KIAA1614: variants seen among roughly 807,000 people sequenced by gnomAD.
KIAA1614 encodes the protein KIAA1614, also known as uncharacterized protein KIAA1614.
Under a neutral mutation model 88.7 loss-of-function variants are expected in KIAA1614, and 76 were observed. The ratio of observed to expected loss-of-function variants is 0.86; its 90% CI spans 0.71 to 1.04. The LOEUF (loss-of-function observed/expected upper bound fraction) is 1.04, where lower values mean the gene tolerates loss of function less well. Among genes scored for constraint, KIAA1614 ranks in the 50% least tolerant of loss-of-function variants. KIAA1614 has a pLI of 0.00. For synonymous variants in KIAA1614, 714 were observed against 675.5 expected (o/e 1.06, Z -0.88); for missense variants, 1,553 against 1,582.5 (o/e 0.98, Z 0.32).
At chr1:180,931,206 A>G (rs1226259136) in intron 4 of KIAA1614, among the ~76,000 whole-genome samples, 2 of 152,220 alleles carry the variant, frequency 1.3e-5, no homozygotes, top group Non-Finnish European at 2.9e-5. Flanking sequence ...AGACATGCCT[A>G]GATTGGTGTT....
chr1:180,915,405 C>T (rs1653756512), intron 1 of KIAA1614, among the ~76,000 whole-genome samples: 1 of 152,172 alleles, frequency 6.6e-6, no homozygotes, highest in Non-Finnish European at 1.5e-5. Context: ...GGGCATCCTC[C>T]ACTGAAGCTA....
intron 4 of KIAA1614, among the ~76,000 whole-genome samples, chr1:180,934,114 C>T (rs979411260): frequency 3.3e-5 from 5 of 152,006 alleles, no homozygotes; most frequent in Middle Eastern, 3.4e-3. Context: ...ATTAGTCGGG[C>T]GTGGTGGCGC....
Position 180,923,757 on chromosome 1 carries a change from C to T in KIAA1614, c.1062-4673C>T, listed in dbSNP as rs7417190. Among the ~76,000 whole-genome samples the T allele has an allele frequency of 2.9e-3, 445 of 152,066 alleles. 4 individuals are homozygous for T. Among genetic ancestry groups the T allele is most frequent in the African/African-American group, 0.01 (423 of 41,486 alleles). On this transcript the variant is annotated intron_variant, in intron 3 of 8. Coordinates refer to ENST00000367588, the MANE Select transcript of KIAA1614 (RefSeq NM_020950.2). The stretch of plus-strand genomic sequence containing the variant: ...AGGCATGGGGAGTCCCGGCTGAGTG[C>T]GGGAGAAGAGACACTCCCACCATCC...
At chr1:180,913,589 T>G (rs1201128100) in intron 1 of KIAA1614, among the ~76,000 whole-genome samples, 2 of 152,326 alleles carry the variant, frequency 1.3e-5, no homozygotes, top group East Asian at 3.9e-4. Flanking sequence ...CTTTAAGGTC[T>G]CTGGCGTGCT....
chr1:180,933,676 C>T (rs1571294917), intron 4 of KIAA1614, among the ~76,000 whole-genome samples: 1 of 152,290 alleles, frequency 6.6e-6, no homozygotes, highest in East Asian at 1.9e-4. Flanking sequence ...GAGATGTGTA[C>T]AGGTGTCTTC....
Position 180,935,997 on chromosome 1 carries a change from GC to G in KIAA1614, c.2090del (p.Pro697LeufsTer7). 1 of 1,614,100 alleles carries G rather than the reference GC, an allele frequency of 6.2e-7. No homozygotes were observed. Among genetic ancestry groups the G allele is most frequent in the Non-Finnish European group, 8.5e-7 (1 of 1,179,928 alleles). On this transcript the variant is annotated frameshift_variant, in exon 5 of 9. Transcript: ENST00000367588. LOFTEE classifies it high-confidence loss of function. This position sits in a 1 kb window ranked among gnomAD's most constrained non-coding sequence, Gnocchi z 6.1. ...AGGTGAAAGAGGGCAGAGGACACAC[GC>G]CTGAAGGAACTCTATTTTTGAGAGA... Reference protein sequence around the residue: ...NEVKEGRGHTPEGTLFLREDA... With the variant: ...NEVKEGRGHTXEGTLFLREDA...
intron 7 of KIAA1614, among the ~76,000 whole-genome samples, chr1:180,943,636 C>CCTCCAGGTTCAAGTGAGT (rs1456418692): frequency 7.0e-6 from 1 of 143,358 alleles, no homozygotes; most frequent in Non-Finnish European, 1.5e-5. Flanking sequence ...GCAACCTTCG[C>CCTCCAGGTTCAAGTGAGT]CTCCAGGTTC....
rs375009931 is a variant in KIAA1614 at position 180,935,919 on chromosome 1, C to A, written c.2010C>A (p.Gly670=). ...SKKAEAELPW[G]LQAQQHLPRA... is the part of the protein sequence containing the mutation. ...AGGCTGAGGCGGAGCTCCCTTGGGG[C>A]CTTCAGGCCCAGCAACACCTGCCTA... Residue 670 remains glycine (G), a synonymous_variant, in exon 5 of 9, where the codon GGC becomes GGA. Coordinates refer to ENST00000367588, the MANE Select transcript of KIAA1614 (RefSeq NM_020950.2). The surrounding 1 kb of genome is among the most constrained non-coding windows in gnomAD (Gnocchi z 6.1). 6.2e-7 allele frequency: 1 copy of A among 1,613,868 alleles called. No individual in the cohort carries two copies. Among genetic ancestry groups the A allele is most frequent in the East Asian group, 2.2e-5 (1 of 44,898 alleles).
intron 3 of KIAA1614, among the ~76,000 whole-genome samples, chr1:180,926,363 A>T (rs968893073): frequency 6.6e-6 from 1 of 151,656 alleles, no homozygotes; most frequent in Non-Finnish European, 1.5e-5. Flanking sequence ...CCACTCCTCC[A>T]TGCTCAGTGT....
intron 4 of KIAA1614, among the ~76,000 whole-genome samples, chr1:180,930,730 A>C (rs1346055069): frequency 6.6e-6 from 1 of 152,246 alleles, no homozygotes; most frequent in Non-Finnish European, 1.5e-5. Context: ...ATAGAATTGC[A>C]AGGTGACCCA....
Position 180,935,565 on chromosome 1 carries a change from G to A in KIAA1614, c.1656G>A (p.Lys552=), listed in dbSNP as rs1654309801. ...ACGACCCGCGCCCCGCCCAGGGGAAGGCGCCCCCCGTCCCCAGGACCCTCC... is the reference window on the plus strand; with the variant it reads ...ACGACCCGCGCCCCGCCCAGGGGAAAGCGCCCCCCGTCCCCAGGACCCTCC... ...CIDDPRPAQG[K]APPVPRTLQE... The change falls in exon 5 of 9, where the codon AAG becomes AAA. Residue 552 remains lysine (K), a synonymous_variant. Coordinates refer to ENST00000367588, the MANE Select transcript of KIAA1614 (RefSeq NM_020950.2). This position sits in a 1 kb window ranked among gnomAD's most constrained non-coding sequence, Gnocchi z 6.1. 1 of 1,602,552 alleles carries A rather than the reference G, an allele frequency of 6.2e-7. No homozygotes were observed. The highest frequency in any genetic ancestry group is 8.5e-7 in the Non-Finnish European group (1 of 1,174,848).
At chr1:180,931,016 G>A (rs1654186338) in intron 4 of KIAA1614, among the ~76,000 whole-genome samples, 1 of 152,254 alleles carries the variant, frequency 6.6e-6, no homozygotes, top group East Asian at 1.9e-4. Flanking sequence ...AGGAGGGGCA[G>A]GCAGAGCAGT....
At chr1:180,925,425 G>A (rs1016150952) in intron 3 of KIAA1614, among the ~76,000 whole-genome samples, 5 of 152,200 alleles carry the variant, frequency 3.3e-5, no homozygotes, top group African/African-American at 7.2e-5. Context: ...GGTGCATCCT[G>A]GAATCTGGGA....
intron 3 of KIAA1614, among the ~76,000 whole-genome samples, chr1:180,922,221 A>G (rs1374560039): frequency 1.3e-5 from 2 of 152,204 alleles, no homozygotes; most frequent in Non-Finnish European, 2.9e-5. Context: ...CTTTAGTTAC[A>G]GGGAGAAGGG....
At position 180,935,405 on chromosome 1, in the gene KIAA1614, A is replaced by G. The variant is rs769651029; in HGVS notation, c.1496A>G (p.Asn499Ser). 1.1e-5 allele frequency: 16 copies of G among 1,473,972 alleles called. No homozygotes were observed. Among genetic ancestry groups the G allele is most frequent in the Non-Finnish European group, 1.3e-5 (14 of 1,119,146 alleles). The allele number at this position is 1,473,972 out of a possible 1,614,324, so 91.3% of individuals were successfully genotyped here. ...RSKPDLADYI[N>S]GAPRLRDAGQ... ...AAGCCCGACCTCGCCGACTACATCAACGGGGCTCCCCGGCTCCGGGACGCG... is the reference window on the plus strand; with the variant it reads ...AAGCCCGACCTCGCCGACTACATCAGCGGGGCTCCCCGGCTCCGGGACGCG... The change falls in exon 5 of 9, where the codon AAC (asparagine) becomes AGC (serine). Residue 499 changes from asparagine to serine, a missense_variant. Coordinates refer to ENST00000367588, the MANE Select transcript of KIAA1614 (RefSeq NM_020950.2). The surrounding 1 kb of genome is among the most constrained non-coding windows in gnomAD (Gnocchi z 6.1).
In KIAA1614 at chr1:180,931,185, A is replaced by AT. The variant is rs1654189947; in HGVS notation, c.1205+2616dup. 3.9e-5 allele frequency among the ~76,000 whole-genome samples: 6 copies of AT among 152,324 alleles called. No individual in the cohort carries two copies. In the South Asian group the frequency reaches 1.2e-3, roughly 32 times the overall value. The stretch of plus-strand genomic sequence containing the variant: ...GCTCCTGGAAGCACAAGATTTTGCC[A>AT]TTTTGGGGATAGACATGCCTAGATT... On this transcript the variant is annotated intron_variant, in intron 4 of 8. Transcript: ENST00000367588.
rs1654623162 is a variant in KIAA1614 at position 180,947,504 on chromosome 1, A to G, written c.*1916A>G. 1 of 152,188 alleles carries G rather than the reference A, an allele frequency of 6.6e-6. No individual in the cohort carries two copies. Among genetic ancestry groups the G allele is most frequent in the South Asian group, 2.1e-4 (1 of 4,812 alleles). 9.4% of individuals were successfully genotyped at this position (152,188 alleles called of 1,614,324 possible). A position where few individuals can be genotyped will look rare whatever the true frequency, so the allele number is the denominator to read the frequency against. ...CAGGGGTTGGATTCTGGTTGATTTG[A>G]CTATTTGCTGATGAGCTGGACATGT... On this transcript the variant is annotated 3_prime_UTR_variant, in exon 9 of 9. Transcript: ENST00000367588.
Position 180,947,496 on chromosome 1 carries a change from T to A in KIAA1614, c.*1908T>A, listed in dbSNP as rs1654623042. 1 of 151,910 alleles carries A rather than the reference T, an allele frequency of 6.6e-6. No homozygotes were observed. The highest frequency in any genetic ancestry group is 1.5e-5 in the Non-Finnish European group (1 of 68,056). The allele number at this position is 151,910 out of a possible 1,614,324, so 9.4% of individuals were successfully genotyped here. A position where few individuals can be genotyped will look rare whatever the true frequency, so the allele number is the denominator to read the frequency against. On this transcript the variant is annotated 3_prime_UTR_variant, in exon 9 of 9. Transcript: ENST00000367588. ...AGAGGGGACAGGGGTTGGATTCTGG[T>A]TGATTTGACTATTTGCTGATGAGCT...
At chr1:180,919,988 C>T (rs1653918772) in intron 3 of KIAA1614, among the ~76,000 whole-genome samples, 3 of 152,184 alleles carry the variant, frequency 2.0e-5, no homozygotes, top group Admixed American at 2.0e-4. Flanking sequence ...AACAAAATGT[C>T]CCCTTAGAGT....
Sources: gnomAD v4.1 joint callset for allele counts (sites outside exome capture counted in the v4.1 genomes callset) on GRCh38, gnomAD v4.1.1 for gene constraint, Gnocchi (gnomAD v3.1) non-coding constraint, MANE v1.5 for transcripts, NCBI Gene and HGNC (gene_info 2026-07-23, HGNC 2026-07-21) for gene names.